Variants in STK24 observed in about 807,000 individuals in gnomAD.
STK24 encodes serine/threonine kinase 24, also known as serine/threonine-protein kinase 24.
STK24 carries 21 observed loss-of-function variants against 55.6 expected under a neutral mutation model. That is an observed-to-expected ratio of 0.38 (90% CI 0.27 to 0.54). The LOEUF (loss-of-function observed/expected upper bound fraction) is 0.54. Ranked by LOEUF, STK24 falls within the 20% of genes least tolerant of loss-of-function variation. The pLI, the probability that STK24 is intolerant of heterozygous loss-of-function variation, is 0.79. For missense variants in STK24, 383 were observed against 538.4 expected, an observed-to-expected ratio of 0.71 and a Z score of 2.86; for synonymous variants, 200 against 215.2, an observed-to-expected ratio of 0.93 and a Z score of 0.62.
intron 1 of STK24, among the ~76,000 whole-genome samples, chr13:98,561,674 T>C (rs1300234017): frequency 6.6e-6 from 1 of 151,876 alleles, no homozygotes; most frequent in African/African-American, 2.4e-5. Context: ...TACTCCTCTG[T>C]CCTAAAGATG....
At position 98,453,184 on chromosome 13, in the gene STK24, A is replaced by C. The variant is rs552813433; in HGVS notation, c.1285T>G (p.Ser429Ala). 16 of 1,613,590 alleles carry C rather than the reference A, an allele frequency of 9.9e-6. No homozygotes were observed. In the Admixed American group the frequency reaches 1.0e-4, roughly 10 times the overall value. Residue 429 changes from serine to alanine, a missense_variant, in exon 11 of 11, where the codon TCA becomes GCA. Physicochemically the swap from Ser to Ala is moderately conservative, Grantham distance 99. Transcript: ENST00000539966. ...ATGCCAAAGGAATTTCAGTGGGATGAAGTTCCTCCACCACTTAGAGAGTAT... is the reference window on the plus strand; with the variant it reads ...ATGCCAAAGGAATTTCAGTGGGATGCAGTTCCTCCACCACTTAGAGAGTAT... ...QRYSLSGGGT[S>A]SH
intron 2 of STK24, among the ~76,000 whole-genome samples, chr13:98,482,666 A>G (rs1429820541): frequency 6.6e-6 from 1 of 152,168 alleles, no homozygotes; most frequent in Admixed American, 6.5e-5. Flanking sequence ...GCACAGTGAG[A>G]GCTGAGAACT....
intron 1 of STK24, among the ~76,000 whole-genome samples, chr13:98,544,434 G>A (rs1322358353): frequency 2.0e-5 from 3 of 152,254 alleles, no homozygotes. Context: ...CCCTGACCCT[G>A]CATCTGGGAA....
intron 1 of STK24, among the ~76,000 whole-genome samples, chr13:98,525,798 G>A (rs1185173483): frequency 6.6e-6 from 1 of 152,232 alleles, no homozygotes; most frequent in Non-Finnish European, 1.5e-5. Flanking sequence ...ATCTATCTCT[G>A]CATTAAGGGC....
intron 1 of STK24, among the ~76,000 whole-genome samples, chr13:98,544,031 G>A (rs549851856): frequency 6.6e-6 from 1 of 152,306 alleles, no homozygotes; most frequent in East Asian, 1.9e-4. Context: ...CTATGAAGAG[G>A]CTTCTAGTAA....
chr13:98,547,404 C>T (rs1897054691), intron 1 of STK24, among the ~76,000 whole-genome samples: 1 of 151,978 alleles, frequency 6.6e-6, no homozygotes, highest in South Asian at 2.1e-4. Context: ...AACAATGAGC[C>T]GGGCACGGTG....
intron 1 of STK24, among the ~76,000 whole-genome samples, chr13:98,569,412 A>G (rs1897675629): frequency 1.4e-5 from 1 of 72,598 alleles, no homozygotes; most frequent in Non-Finnish European, 3.5e-5. Flanking sequence ...GACAGCAGAG[A>G]CAAAAAAAAA....
At chr13:98,460,275 T>C (rs1425746004) in intron 9 of STK24, 97 bp downstream of exon 9, 6 of 1,161,622 alleles carry the variant, frequency 5.2e-6, no homozygotes, top group Non-Finnish European at 2.5e-6. Flanking sequence ...CTTGTCTTAA[T>C]GTCCCCAACT....
intron 1 of STK24, among the ~76,000 whole-genome samples, chr13:98,574,733 C>T (rs1405553098): frequency 4.0e-5 from 6 of 151,812 alleles, no homozygotes; most frequent in Non-Finnish European, 7.4e-5. Flanking sequence ...ACTGAGAAAA[C>T]AAAATAAAAA....
chr13:98,463,760 A>G lies in STK24; in HGVS notation c.860T>C (p.Leu287Pro), dbSNP rs899785309. The change falls in exon 7 of 11, where the codon CTC becomes CCC. Residue 287 changes from leucine to proline, a missense_variant. Transcript: ENST00000539966. The stretch of plus-strand genomic sequence containing the variant: ...CTTCCATCTCTTGTACCTGTCGATG[A>G]GCTCGGTCAAGTAGGAAGTTTTCTT... ...NAKKTSYLTELIDRYKRWKAE... is the reference protein window; with the variant it reads ...NAKKTSYLTEPIDRYKRWKAE... 9.9e-6 allele frequency: 16 copies of G among 1,614,062 alleles called. No homozygotes were observed. The highest frequency in any genetic ancestry group is 1.7e-5 in the Admixed American group (1 of 60,010).
At chr13:98,508,508 C>G (rs796333816) in intron 2 of STK24, among the ~76,000 whole-genome samples, 2 of 152,126 alleles carry the variant, frequency 1.3e-5, no homozygotes, top group African/African-American at 4.8e-5. Flanking sequence ...ACTTACACCA[C>G]AAGCCCCACT....
chr13:98,502,428 CCA>C (rs1313976949), intron 2 of STK24, among the ~76,000 whole-genome samples: 1 of 152,134 alleles, frequency 6.6e-6, no homozygotes, highest in Non-Finnish European at 1.5e-5. Context: ...AAAATGACTT[CCA>C]CAGTCATAAT....
At position 98,502,042 on chromosome 13, in the gene STK24, T is replaced by C. The variant is rs1345699031; in HGVS notation, c.273+17201A>G. Among the ~76,000 whole-genome samples, 13 of 152,274 alleles carry C rather than the reference T, an allele frequency of 8.5e-5. No individual in the cohort carries two copies. In the East Asian group the frequency reaches 2.5e-3, roughly 29 times the overall value. On this transcript the variant is annotated intron_variant, in intron 2 of 10. Coordinates refer to ENST00000539966, the MANE Select transcript of STK24 (RefSeq NM_001032296.4). ...TAAGCCAGCAGAAAACTCTAAAAAC[T>C]AATCCAGGAAGCTATTGCCCCGTCT...
At chr13:98,469,725 G>A (rs927664737) in intron 5 of STK24, among the ~76,000 whole-genome samples, 4 of 152,036 alleles carry the variant, frequency 2.6e-5, no homozygotes, top group Non-Finnish European at 5.9e-5. Context: ...CTTTGGATTA[G>A]TCTAAAGGGA....
In STK24 at chr13:98,500,945, T is replaced by G. The variant is rs551563857; in HGVS notation, c.273+18298A>C. 1.3e-3 allele frequency among the ~76,000 whole-genome samples: 198 copies of G among 152,246 alleles called. 3 individuals are homozygous for G. The South Asian group carries it at 0.016, about 12-fold the overall frequency. On this transcript the variant is annotated intron_variant, in intron 2 of 10. Transcript: ENST00000539966. Reference sequence around the variant, plus strand: ...GTTCTTAAGTAGCCACATCTTTTCTTACTACATCTGATGAGTAAAACATGC... The same window carrying G: ...GTTCTTAAGTAGCCACATCTTTTCTGACTACATCTGATGAGTAAAACATGC...
intron 1 of STK24, among the ~76,000 whole-genome samples, chr13:98,528,376 G>A (rs761759725): frequency 1.3e-5 from 2 of 152,084 alleles, no homozygotes; most frequent in Non-Finnish European, 2.9e-5. Flanking sequence ...CACAAAACAT[G>A]GTCCCCTCAG....
At chr13:98,512,902 A>T (rs1197253982) in intron 2 of STK24, among the ~76,000 whole-genome samples, 2 of 152,188 alleles carry the variant, frequency 1.3e-5, no homozygotes, top group Non-Finnish European at 2.9e-5. Context: ...CTTCTGCTCA[A>T]CTGTGGAAAG....
rs1892883584 is a variant in STK24 at position 98,446,953 on chromosome 13, C to T, written c.*6220G>A. 4.6e-6 allele frequency: 4 copies of T among 870,966 alleles called. No individual in the cohort carries two copies. The highest frequency in any genetic ancestry group is 7.1e-6 in the Non-Finnish European group (4 of 561,754). The allele number at this position is 870,966 out of a possible 1,614,324, so 54.0% of individuals were successfully genotyped here. Reference sequence around the variant, plus strand: ...CTAAGCGTTTAGACCTGGGGTCCCACTGCCCGACACCAGCAGGCGATTCTG... The same window carrying T: ...CTAAGCGTTTAGACCTGGGGTCCCATTGCCCGACACCAGCAGGCGATTCTG... On this transcript the variant is annotated 3_prime_UTR_variant, in exon 11 of 11. Transcript: ENST00000539966.
chr13:98,493,658 A>C (rs1409021985), intron 2 of STK24, among the ~76,000 whole-genome samples: 30 of 152,170 alleles, frequency 2.0e-4, no homozygotes, highest in Admixed American at 2.0e-3. Context: ...TTGTTCTGCT[A>C]GATGACAATC....
Sources: gnomAD v4.1 joint callset for allele counts (sites outside exome capture counted in the v4.1 genomes callset) on GRCh38, gnomAD v4.1.1 for gene constraint, MANE v1.5 for transcripts, NCBI Gene and HGNC (gene_info 2026-07-23, HGNC 2026-07-21) for gene names.